Variants in CNKSR3 observed in about 807,000 individuals in gnomAD.
CNKSR3 encodes CNKSR family member 3.
CNKSR3 carries 36 observed loss-of-function variants against 67.7 expected under a neutral mutation model. The observed-to-expected ratio is 0.53, with a 90% CI of 0.41 to 0.70. The LOEUF (loss-of-function observed/expected upper bound fraction) is 0.70. CNKSR3 is among the 30% of genes least tolerant of loss of function. The pLI is 0.00. For synonymous variants in CNKSR3, 281 were observed against 271.4 expected (o/e 1.04, Z -0.35); for missense variants, 630 against 695.2 (o/e 0.91, Z 1.05).
intron 1 of CNKSR3, among the ~76,000 whole-genome samples, chr6:154,455,962 A>C (rs1050407925): frequency 6.6e-6 from 1 of 152,162 alleles, no homozygotes; most frequent in Admixed American, 6.5e-5. Flanking sequence ...GATTATATAC[A>C]TGAAGACTAA....
chr6:154,496,833 T>C (rs1786887475), intron 1 of CNKSR3, among the ~76,000 whole-genome samples: 1 of 152,214 alleles, frequency 6.6e-6, no homozygotes, highest in Non-Finnish European at 1.5e-5. Context: ...ATGATGTAAA[T>C]GTTTTTCCCT....
chr6:154,486,296 T>C (rs1786664044), intron 1 of CNKSR3, among the ~76,000 whole-genome samples: 1 of 149,352 alleles, frequency 6.7e-6, no homozygotes, highest in African/African-American at 2.5e-5. Flanking sequence ...TCTCTCTCTT[T>C]TTCTTTTTTT....
At chr6:154,484,267 T>G (rs1042251911) in intron 1 of CNKSR3, among the ~76,000 whole-genome samples, 1 of 152,184 alleles carries the variant, frequency 6.6e-6, no homozygotes, top group Non-Finnish European at 1.5e-5. Flanking sequence ...ACCACAGTCC[T>G]AGGAAAAATG....
chr6:154,412,640 G>A (rs577047950), intron 10 of CNKSR3, among the ~76,000 whole-genome samples: 2 of 152,148 alleles, frequency 1.3e-5, no homozygotes, highest in African/African-American at 2.4e-5. Flanking sequence ...TTCTCTACAC[G>A]CTATAATAAG....
rs973696823 is a variant in CNKSR3, at chr6:154,395,137, C to G, written c.*11217G>C. On this transcript the variant is annotated 3_prime_UTR_variant, in exon 13 of 13. Transcript: ENST00000607772. ...TGGCAAGCTTAGGACGCGTGCTCCCCCTGCAAGGAGAGAAGGAAAAAGTAA... is the reference window on the plus strand; with the variant it reads ...TGGCAAGCTTAGGACGCGTGCTCCCGCTGCAAGGAGAGAAGGAAAAAGTAA... 5 of 152,124 alleles carry G rather than the reference C, an allele frequency of 3.3e-5. No individual in the cohort carries two copies. The highest frequency in any genetic ancestry group is 1.2e-4 in the African/African-American group (5 of 41,414). 9.4% of individuals were successfully genotyped at this position (152,124 alleles called of 1,614,324 possible).
chr6:154,477,676 C>G (rs1418475444), intron 1 of CNKSR3, among the ~76,000 whole-genome samples: 1 of 152,138 alleles, frequency 6.6e-6, no homozygotes, highest in Non-Finnish European at 1.5e-5. Flanking sequence ...GACATTGATA[C>G]TAGCTATTGG....
At chr6:154,426,346 T>TTTATTTA (rs1785253740) in intron 7 of CNKSR3, among the ~76,000 whole-genome samples, 1 of 147,868 alleles carries the variant, frequency 6.8e-6, no homozygotes, top group Non-Finnish European at 1.5e-5. Context: ...CATTGAACTC[T>TTTATTTA]TTTATTTATT....
intron 1 of CNKSR3, among the ~76,000 whole-genome samples, chr6:154,501,697 C>T (rs1364516826): frequency 6.6e-6 from 1 of 152,158 alleles, no homozygotes; most frequent in Non-Finnish European, 1.5e-5. Context: ...AGTCCCTCTC[C>T]TTCACCTCTC....
intron 1 of CNKSR3, among the ~76,000 whole-genome samples, chr6:154,461,856 T>G (rs1024316497): frequency 2.0e-5 from 3 of 152,218 alleles, no homozygotes; most frequent in Non-Finnish European, 4.4e-5. Context: ...GAACCCAGCA[T>G]GGGCTTGCGA....
chr6:154,406,521 G>A lies in CNKSR3; in HGVS notation c.1501C>T (p.Arg501Ter), dbSNP rs908430133. ...GAGTTGATGTAGCACCTGCTTCCTC[G>A]GATGTAGTCCGCACCCCGGACCAGA... ...RHLVRGADYI[R>*]GSRCYINSDL... The change falls in exon 13 of 13, where the codon CGA (arginine) becomes TGA (stop). Residue 501 changes from arginine to a stop codon, truncating the protein, a stop_gained. Coordinates refer to ENST00000607772, the MANE Select transcript of CNKSR3 (RefSeq NM_173515.4). LOFTEE classifies it high-confidence loss of function. The A allele has an allele frequency of 9.9e-6, 16 of 1,614,188 alleles. No homozygotes were observed. Among genetic ancestry groups the A allele is most frequent in the East Asian group, 2.2e-5 (1 of 44,876 alleles).
chr6:154,490,655 T>A (rs1330467608), intron 1 of CNKSR3, among the ~76,000 whole-genome samples: 1 of 152,072 alleles, frequency 6.6e-6, no homozygotes, highest in African/African-American at 2.4e-5. Context: ...TGATCTAACA[T>A]CCCACTCCCG....
intron 1 of CNKSR3, among the ~76,000 whole-genome samples, chr6:154,499,649 TGGTAGACACAG>T (rs1042485590): frequency 5.9e-5 from 9 of 152,200 alleles, no homozygotes; most frequent in South Asian, 2.1e-4. Flanking sequence ...GGGGTTCTTT[TGGTAGACACAG>T]GGTCTCACTA....
chr6:154,451,512 C>G (rs1444728580), intron 1 of CNKSR3, among the ~76,000 whole-genome samples: 1 of 120,316 alleles, frequency 8.3e-6, no homozygotes, highest in African/African-American at 3.3e-5. Flanking sequence ...TGCACACACA[C>G]GCGCACACTC....
intron 1 of CNKSR3, among the ~76,000 whole-genome samples, chr6:154,470,935 C>T (rs2114627116): frequency 6.6e-6 from 1 of 152,310 alleles, no homozygotes; most frequent in East Asian, 1.9e-4. Flanking sequence ...CACATCTTCA[C>T]CAACACTAGT....
intron 1 of CNKSR3, among the ~76,000 whole-genome samples, chr6:154,458,089 T>C (rs552810678): frequency 6.6e-6 from 1 of 152,326 alleles, no homozygotes; most frequent in South Asian, 2.1e-4. Flanking sequence ...TGGCTGCTTT[T>C]GTACTACAAT....
intron 1 of CNKSR3, among the ~76,000 whole-genome samples, chr6:154,485,624 C>G (rs1192981387): frequency 6.6e-6 from 1 of 152,216 alleles, no homozygotes; most frequent in Non-Finnish European, 1.5e-5. Flanking sequence ...CAGCGTGATT[C>G]ACGTCACTCC....
rs1212088478 is a variant in CNKSR3 at position 154,403,782 on chromosome 6, A to G, written c.*2572T>C. The G allele has an allele frequency of 1.3e-5, 2 of 152,188 alleles. No individual in the cohort carries two copies. Among genetic ancestry groups the G allele is most frequent in the East Asian group, 1.9e-4 (1 of 5,190 alleles). The allele number at this position is 152,188 out of a possible 1,614,324, so 9.4% of individuals were successfully genotyped here. On this transcript the variant is annotated 3_prime_UTR_variant, in exon 13 of 13. Transcript: ENST00000607772. ...GCACCAATCTGGTTGGCCACTGCCT[A>G]TAATGAAGACTGACTGCCGAATATT... is the stretch of plus-strand genomic sequence containing the variant.
chr6:154,441,275 A>G lies in CNKSR3; in HGVS notation c.507+17T>C. ...AAAAAAAAAAAAAAAAGAAAGTGAAAATGACATACTACTGACCTTCTGGAC... is the reference window on the plus strand; with the variant it reads ...AAAAAAAAAAAAAAAAGAAAGTGAAGATGACATACTACTGACCTTCTGGAC... On this transcript the variant is annotated intron_variant, in intron 4 of 12. Transcript: ENST00000607772. 6.8e-7 allele frequency: 1 copy of G among 1,476,288 alleles called. No individual in the cohort carries two copies. Among genetic ancestry groups the G allele is most frequent in the Non-Finnish European group, 9.2e-7 (1 of 1,081,530 alleles). 91.4% of individuals were successfully genotyped at this position (1,476,288 alleles called of 1,614,324 possible). A position where few individuals can be genotyped will look rare whatever the true frequency, so the allele number is the denominator to read the frequency against.
chr6:154,410,355 G>A lies in CNKSR3; in HGVS notation c.1357C>T (p.His453Tyr). The change falls in exon 12 of 13, where the codon CAT (histidine) becomes TAT (tyrosine). Residue 453 changes from histidine (H) to tyrosine (Y), a missense_variant. Physicochemically the swap from His to Tyr is moderately conservative, Grantham distance 83. Transcript: ENST00000607772. ...IVDPFARPRG[H>Y]GRKGEDALCR... The stretch of plus-strand genomic sequence containing the variant: ...GGATGAAACGTACCTTTCCTGCCAT[G>A]ACCTCGAGGTCTGGCAAAAGGGTCC... 6.2e-7 allele frequency: 1 copy of A among 1,613,510 alleles called. No homozygotes were observed.
Sources: allele counts gnomAD v4.1 joint callset (sites outside exome capture counted in the v4.1 genomes callset), GRCh38; gene constraint gnomAD v4.1.1; transcripts MANE v1.5; gene names NCBI Gene and HGNC (gene_info 2026-07-23, HGNC 2026-07-21).